Variants in PPP6R3 observed in about 807,000 individuals in gnomAD.
PPP6R3 encodes protein phosphatase 6 regulatory subunit 3.
In PPP6R3, 38 loss-of-function variants were observed where a neutral mutation model predicts 110.7. That is an observed-to-expected ratio of 0.34 (90% confidence interval 0.26 to 0.45). PPP6R3 has a LOEUF of 0.45. Ranked by LOEUF, PPP6R3 falls within the 20% of genes least tolerant of loss-of-function variation. PPP6R3 has a pLI of 1.00. For synonymous variants in PPP6R3, 369 were observed against 373.5 expected (o/e 0.99, Z 0.14); for missense variants, 870 against 1,062.4 (o/e 0.82, Z 2.52).
intron 15 of PPP6R3, among the ~76,000 whole-genome samples, chr11:68,583,599 G>A (rs2099569362): frequency 6.6e-6 from 1 of 152,106 alleles, no homozygotes; most frequent in Non-Finnish European, 1.5e-5. Flanking sequence ...GTAATTCATT[G>A]CAACCCCTCT....
At chr11:68,592,107 G>A (rs1179950249) in intron 18 of PPP6R3, among the ~76,000 whole-genome samples, 41 of 152,138 alleles carry the variant, frequency 2.7e-4, no homozygotes, top group Non-Finnish European at 8.8e-5. Flanking sequence ...AATCTATTTG[G>A]GGAAGATAGG....
intron 19 of PPP6R3, 48 bp from the exon 20 acceptor site, chr11:68,600,293 T>C: frequency 6.4e-7 from 1 of 1,571,714 alleles, no homozygotes; most frequent in Non-Finnish European, 8.7e-7. Flanking sequence ...TTGTGGTACA[T>C]GAAACGACTG....
intron 1 of PPP6R3, among the ~76,000 whole-genome samples, chr11:68,465,279 A>G (rs1360812320): frequency 6.6e-6 from 1 of 152,220 alleles, no homozygotes; most frequent in Non-Finnish European, 1.5e-5. Flanking sequence ...ATAGGCATAC[A>G]GTATGCTCAG....
At chr11:68,477,318 T>C (rs146181113) in intron 1 of PPP6R3, among the ~76,000 whole-genome samples, 147 of 152,230 alleles carry the variant, frequency 9.7e-4, no homozygotes, top group African/African-American at 3.4e-3. Flanking sequence ...TTTTCCACTT[T>C]ATGATAGACT....
intron 12 of PPP6R3, among the ~76,000 whole-genome samples, chr11:68,572,599 C>T (rs1443967541): frequency 6.6e-6 from 1 of 152,096 alleles, no homozygotes; most frequent in African/African-American, 2.4e-5. Flanking sequence ...CCTGTAATCC[C>T]ACTGCTTTGG....
chr11:68,574,468 A>G (rs1027074292), intron 13 of PPP6R3, among the ~76,000 whole-genome samples: 15 of 152,348 alleles, frequency 9.8e-5, no homozygotes, highest in African/African-American at 3.4e-4. Flanking sequence ...GATTCAGCAT[A>G]TAAGAGTCAC....
At chr11:68,473,655 C>G (rs1043987178) in intron 1 of PPP6R3, among the ~76,000 whole-genome samples, 3 of 152,202 alleles carry the variant, frequency 2.0e-5, no homozygotes, top group Non-Finnish European at 4.4e-5. Flanking sequence ...GGATCTGACT[C>G]TATCTCCAGG....
chr11:68,544,717 G>C (rs995258065), intron 3 of PPP6R3, 121 bp from the exon 4 acceptor site: 2 of 664,612 alleles, frequency 3.0e-6, no homozygotes, highest in African/African-American at 3.7e-5. Flanking sequence ...ATGATTTCCT[G>C]ATTTCCAGTA....
chr11:68,514,720 G>A (rs1306382937), intron 1 of PPP6R3, among the ~76,000 whole-genome samples: 2 of 152,120 alleles, frequency 1.3e-5, no homozygotes, highest in Admixed American at 1.3e-4. Context: ...AAGTAGCTGG[G>A]ATTACAGGTG....
intron 15 of PPP6R3, among the ~76,000 whole-genome samples, chr11:68,583,844 C>T (rs936905110): frequency 6.6e-6 from 1 of 152,226 alleles, no homozygotes; most frequent in Non-Finnish European, 1.5e-5. Flanking sequence ...AATGCCTTGG[C>T]TTACATGTTG....
chr11:68,581,446 G>C (rs2153821187), intron 14 of PPP6R3, among the ~76,000 whole-genome samples: 1 of 152,368 alleles, frequency 6.6e-6, no homozygotes, highest in South Asian at 2.1e-4. Context: ...TTGGCTAAGA[G>C]TCGCCAACTC....
intron 1 of PPP6R3, among the ~76,000 whole-genome samples, chr11:68,491,168 C>G (rs2098981616): frequency 6.6e-6 from 1 of 151,944 alleles, no homozygotes; most frequent in African/African-American, 2.4e-5. Flanking sequence ...GCCTGGGTGA[C>G]AAAGCGAGAT....
At chr11:68,525,001 C>T (rs2099188850) in intron 2 of PPP6R3, among the ~76,000 whole-genome samples, 1 of 152,228 alleles carries the variant, frequency 6.6e-6, no homozygotes, top group Non-Finnish European at 1.5e-5. Context: ...CTTCTACAAG[C>T]TGAGGCCACA....
At chr11:68,578,559 G>T (rs1314194988) in intron 14 of PPP6R3, among the ~76,000 whole-genome samples, 2 of 152,158 alleles carry the variant, frequency 1.3e-5, no homozygotes. Flanking sequence ...TCAGCACCAC[G>T]TGCTTAAGTT....
intron 22 of PPP6R3, among the ~76,000 whole-genome samples, chr11:68,606,642 TAAATACC>T (rs1566183046): frequency 6.6e-6 from 1 of 152,134 alleles, no homozygotes; most frequent in African/African-American, 2.4e-5. Context: ...TGGTATAAGT[TAAATACC>T]AATACCAAAA....
intron 1 of PPP6R3, among the ~76,000 whole-genome samples, chr11:68,473,663 A>G (rs2098808218): frequency 6.6e-6 from 1 of 152,204 alleles, no homozygotes; most frequent in Non-Finnish European, 1.5e-5. Flanking sequence ...CTCTATCTCC[A>G]GGTAGATGGT....
chr11:68,596,183 A>G lies in PPP6R3; in HGVS notation c.2003A>G (p.Asn668Ser). Reference protein sequence around the residue: ...KQDLFEPSSANTEDKMEVDLS... With the variant: ...KQDLFEPSSASTEDKMEVDLS... ...GACTTGTTTGAACCCAGCAGTGCCA[A>G]CACGGAGGATAAAATGGAGGTGGAC... Residue 668 changes from asparagine to serine, a missense_variant, in exon 19 of 24, where the codon AAC becomes AGC. Transcript: ENST00000393800. The G allele has an allele frequency of 6.2e-7, 1 of 1,614,260 alleles. No individual in the cohort carries two copies. Among genetic ancestry groups the G allele is most frequent in the Non-Finnish European group, 8.5e-7 (1 of 1,180,042 alleles).
Position 68,548,144 on chromosome 11 carries a change from T to G in PPP6R3, c.492T>G (p.Asp164Glu). 1 of 1,614,220 alleles carries G rather than the reference T, an allele frequency of 6.2e-7. No individual in the cohort carries two copies. Among genetic ancestry groups the G allele is most frequent in the Non-Finnish European group, 8.5e-7 (1 of 1,180,030 alleles). ...IKHIGTSAIM[D>E]LLLRLLTCIE... ...ACATAGGAACTTCTGCTATCATGGA[T>G]TTGTTGCTCAGGCTCCTGACGTGTA... The change falls in exon 5 of 24, where the codon GAT becomes GAG. Residue 164 changes from aspartate to glutamate, a missense_variant. Transcript: ENST00000393800.
At chr11:68,483,620 T>G (rs1447762348) in intron 1 of PPP6R3, among the ~76,000 whole-genome samples, 1 of 152,228 alleles carries the variant, frequency 6.6e-6, no homozygotes, top group Non-Finnish European at 1.5e-5. Flanking sequence ...GTAGCTGGAA[T>G]TACAGGCATT....
Sources: allele counts gnomAD v4.1 joint callset (sites outside exome capture counted in the v4.1 genomes callset), GRCh38; gene constraint gnomAD v4.1.1; transcripts MANE v1.5; gene names NCBI Gene and HGNC (gene_info 2026-07-23, HGNC 2026-07-21).